CCDC178: variants seen among roughly 807,000 people sequenced by gnomAD.
CCDC178 encodes coiled-coil domain-containing protein 178.
Under a neutral mutation model 117.4 loss-of-function variants are expected in CCDC178, and 126 were observed. The ratio of observed to expected loss-of-function variants is 1.07; its 90% CI spans 0.93 to 1.24. CCDC178 has a LOEUF of 1.24. Ranked by LOEUF, CCDC178 falls within the 50% of genes most tolerant of loss-of-function variation. The pLI, the probability that CCDC178 is intolerant of heterozygous loss-of-function variation, is 0.00. For synonymous variants in CCDC178, 283 were observed against 313.4 expected (o/e 0.90, Z 1.02); for missense variants, 1,030 against 986.9 (o/e 1.04, Z -0.59).
intron 14 of CCDC178, among the ~76,000 whole-genome samples, chr18:33,258,193 C>T (rs9955567): frequency 0.067 from 10,244 of 152,076 alleles, 514 homozygotes; most frequent in African/African-American, 0.14. Flanking sequence ...TATGAAAATG[C>T]CTTAATCATA....
chr18:33,049,851 G>C lies in CCDC178; in HGVS notation c.2388+42910C>G, dbSNP rs576005363. On this transcript the variant is annotated intron_variant, in intron 21 of 22. Coordinates refer to ENST00000383096, the MANE Select transcript of CCDC178 (RefSeq NM_001105528.4). Reference sequence around the variant, plus strand: ...TAATCCCAGCACTTTGGGAGGCCGAGGGGGGTGGATACTTGAGGTAAGGAG... The same window carrying C: ...TAATCCCAGCACTTTGGGAGGCCGACGGGGGTGGATACTTGAGGTAAGGAG... Among the ~76,000 whole-genome samples, 5 of 151,802 alleles carry C rather than the reference G, an allele frequency of 3.3e-5. No homozygotes were observed. The South Asian group carries it at 6.2e-4, about 19-fold the overall frequency.
chr18:33,278,949 G>A (rs1389212053), intron 12 of CCDC178, among the ~76,000 whole-genome samples: 3 of 152,218 alleles, frequency 2.0e-5, no homozygotes, highest in African/African-American at 7.2e-5. Flanking sequence ...TTGATGGGAT[G>A]TATCTCAAAA....
intron 14 of CCDC178, among the ~76,000 whole-genome samples, chr18:33,252,080 T>C (rs1202931213): frequency 1.3e-5 from 2 of 151,714 alleles, no homozygotes; most frequent in African/African-American, 4.8e-5. Context: ...AGGGTGCTAG[T>C]AGAGTAAGTT....
At chr18:33,321,177 T>C (rs1351972339) in intron 11 of CCDC178, among the ~76,000 whole-genome samples, 1 of 152,180 alleles carries the variant, frequency 6.6e-6, no homozygotes, top group African/African-American at 2.4e-5. Flanking sequence ...GACATAGGCA[T>C]GGGCAAGGAC....
At chr18:33,075,639 T>C (rs554410608) in intron 21 of CCDC178, among the ~76,000 whole-genome samples, 1 of 152,298 alleles carries the variant, frequency 6.6e-6, no homozygotes, top group East Asian at 1.9e-4. Flanking sequence ...CTTGACTAGA[T>C]ACAACATTCT....
chr18:33,221,400 G>A (rs1444111572), intron 18 of CCDC178, among the ~76,000 whole-genome samples: 3 of 152,122 alleles, frequency 2.0e-5, no homozygotes, highest in East Asian at 3.9e-4. Flanking sequence ...AGTAAAAGAG[G>A]GAAAGAGATA....
At chr18:33,159,284 T>C (rs2144373937) in intron 20 of CCDC178, among the ~76,000 whole-genome samples, 1 of 152,158 alleles carries the variant, frequency 6.6e-6, no homozygotes, top group Admixed American at 6.5e-5. Context: ...AGGAAAAAAA[T>C]GTAAAATCTT....
chr18:33,085,779 T>C (rs1452881182), intron 21 of CCDC178, among the ~76,000 whole-genome samples: 2 of 152,086 alleles, frequency 1.3e-5, no homozygotes, highest in Admixed American at 1.3e-4. Flanking sequence ...ATAAGCTGTC[T>C]ATAGGTTTTC....
At chr18:33,100,543 A>G (rs2057610478) in intron 20 of CCDC178, among the ~76,000 whole-genome samples, 1 of 151,988 alleles carries the variant, frequency 6.6e-6, no homozygotes, top group Non-Finnish European at 1.5e-5. Context: ...TAGTTCCATG[A>G]GAGATCAGTT....
chr18:33,005,842 T>C (rs2055736572), intron 21 of CCDC178, among the ~76,000 whole-genome samples: 1 of 152,010 alleles, frequency 6.6e-6, no homozygotes, highest in Non-Finnish European at 1.5e-5. Context: ...ACGATACAAC[T>C]CCTACCAGTA....
intron 12 of CCDC178, among the ~76,000 whole-genome samples, chr18:33,291,794 A>T (rs1486283115): frequency 6.6e-6 from 1 of 152,132 alleles, no homozygotes; most frequent in Non-Finnish European, 1.5e-5. Flanking sequence ...ACTGAGTGTG[A>T]TCTCAGGCTG....
At chr18:32,979,499 GA>G (rs2055102266) in intron 21 of CCDC178, among the ~76,000 whole-genome samples, 1 of 152,050 alleles carries the variant, frequency 6.6e-6, no homozygotes, top group Admixed American at 6.6e-5. Flanking sequence ...AATTGTAATA[GA>G]AAAATCCTAT....
chr18:33,346,420 G>C lies in CCDC178; in HGVS notation c.458-9C>G. 1.3e-6 allele frequency: 2 copies of C among 1,576,086 alleles called. No homozygotes were observed. Among genetic ancestry groups the C allele is most frequent in the East Asian group, 2.2e-5 (1 of 44,486 alleles). On this transcript the variant is annotated splice_polypyrimidine_tract_variant and intron_variant, in intron 8 of 22. Transcript: ENST00000383096. ...CTCTGGACACTTTTCATCTTAAACA[G>C]AAATAAATATTCACATTTGTTAATA...
At chr18:33,286,783 A>G (rs1415127070) in intron 12 of CCDC178, among the ~76,000 whole-genome samples, 1 of 152,200 alleles carries the variant, frequency 6.6e-6, no homozygotes, top group African/African-American at 2.4e-5. Context: ...TAAAATTCAT[A>G]AATATTTCTA....
chr18:33,141,498 G>A (rs908777404), intron 20 of CCDC178, among the ~76,000 whole-genome samples: 1 of 152,122 alleles, frequency 6.6e-6, no homozygotes, highest in African/African-American at 2.4e-5. Flanking sequence ...AACAGAAACT[G>A]AATTTCTGAA....
chr18:33,306,555 A>G (rs1208663214), intron 11 of CCDC178, among the ~76,000 whole-genome samples: 3 of 144,242 alleles, frequency 2.1e-5, no homozygotes, highest in Non-Finnish European at 4.5e-5. Flanking sequence ...ATGGTTATAT[A>G]TATATGGTTA....
intron 20 of CCDC178, among the ~76,000 whole-genome samples, chr18:33,123,839 G>A (rs1325682150): frequency 2.0e-5 from 3 of 152,108 alleles, no homozygotes; most frequent in African/African-American, 7.2e-5. Flanking sequence ...TCCAACACCA[G>A]TTAAGAAAAT....
intron 3 of CCDC178, among the ~76,000 whole-genome samples, chr18:33,399,633 T>G (rs920957159): frequency 9.2e-5 from 14 of 152,228 alleles, no homozygotes; most frequent in Admixed American, 7.9e-4. Context: ...CATGAAACTT[T>G]TATCATGAGA....
At chr18:33,089,715 T>C (rs1460633362) in intron 21 of CCDC178, among the ~76,000 whole-genome samples, 1 of 152,230 alleles carries the variant, frequency 6.6e-6, no homozygotes, top group Non-Finnish European at 1.5e-5. Context: ...GCACAAAGAA[T>C]CTGGGGTGGC....
Sources: gnomAD v4.1 joint callset for allele counts (sites outside exome capture counted in the v4.1 genomes callset) on GRCh38, gnomAD v4.1.1 for gene constraint, MANE v1.5 for transcripts, NCBI Gene and HGNC (gene_info 2026-07-23, HGNC 2026-07-21) for gene names.